The following BTD variants were observed in gnomAD, a reference collection of about 807,000 sequenced individuals.
BTD encodes the protein biocytinase.
Under a neutral mutation model 17.7 loss-of-function variants are expected in BTD, and 13 were observed. That is an observed-to-expected ratio of 0.74 (90% CI 0.48 to 1.17). The LOEUF is 1.17. BTD is among the 50% of genes most tolerant of loss of function. BTD has a pLI of 0.00. For missense variants in BTD, 674 were observed against 650.4 expected (o/e 1.04, Z -0.39); for synonymous variants, 240 against 245.2 (o/e 0.98, Z 0.20).
At chr3:15,614,598 C>CTT (rs869155456) in intron 1 of BTD, among the ~76,000 whole-genome samples, 18 of 125,246 alleles carry the variant, frequency 1.4e-4, no homozygotes, top group East Asian at 4.2e-4. Flanking sequence ...ATATCTTTTT[C>CTT]TTTTTTTTTT....
In BTD at chr3:15,645,354, C is replaced by T. The variant is rs150206202; in HGVS notation, c.1438C>T (p.Leu480=). 39 of 1,614,100 alleles carry T rather than the reference C, an allele frequency of 2.4e-5. No homozygotes were observed. The African/African-American group carries it at 3.6e-4, about 15-fold the overall frequency. Residue 480 remains leucine, a synonymous_variant, in exon 4 of 4, where the codon CTG becomes TTG. Transcript: ENST00000643237. ...TACTTCCTATATCTTTCCTTTGTTT[C>T]TGACCTCAGGGATGACCCTAGAAGT... ...FSTSYIFPLF[L]TSGMTLEVPD...
intron 4 of BTD, among the ~76,000 whole-genome samples, chr3:15,721,361 A>G (rs534769048): frequency 2.6e-5 from 4 of 152,334 alleles, no homozygotes; most frequent in South Asian, 2.1e-4. Context: ...CACATACACA[A>G]TGTCTACTTC....
intron 3 of BTD, chr3:15,695,140 G>C (rs573027270): frequency 6.9e-7 from 1 of 1,453,900 alleles, no homozygotes; most frequent in Admixed American, 1.8e-5. Context: ...ACTGGTAGGA[G>C]GGAACTGACC....
intron 1 of BTD, among the ~76,000 whole-genome samples, chr3:15,626,791 A>AAAAG (rs1315922017): frequency 6.9e-6 from 1 of 145,976 alleles, no homozygotes; most frequent in South Asian, 2.1e-4. Context: ...AAAAAAAAAA[A>AAAAG]AAAAGAAAAG....
rs1483587059 is a variant in BTD, at chr3:15,645,171, GC to G, written c.1258del (p.Leu420TrpfsTer61). 1 of 1,614,180 alleles carries G rather than the reference GC, an allele frequency of 6.2e-7. No homozygotes were observed. On this transcript the variant is annotated frameshift_variant, in exon 4 of 4. Coordinates refer to ENST00000643237, the MANE Select transcript of BTD (RefSeq NM_001370658.1). LOFTEE classifies it high-confidence loss of function. The stretch of plus-strand genomic sequence containing the variant: ...GCCCACCTTATCCAAAGAGCTGTAT[GC>G]CCTGGGGGTCTTTGATGGGCTTCAC... The part of the protein sequence containing the change: ...ERPTLSKELY[A>X]LGVFDGLHTV...
rs181151942 is a variant in BTD, at chr3:15,635,249, C to T, written c.-16-175C>T. ...GAGCCATTTTAAATGTGGCTTGCTA[C>T]GTGTTTGGAGAGAAACACATACTCT... On this transcript the variant is annotated intron_variant, in intron 1 of 3. Coordinates refer to ENST00000643237, the MANE Select transcript of BTD (RefSeq NM_001370658.1). This position sits in a 1 kb window ranked among gnomAD's most constrained non-coding sequence, Gnocchi z 4.1. Among the ~76,000 whole-genome samples the T allele has an allele frequency of 1.1e-4, 17 of 152,294 alleles. No individual in the cohort carries two copies. The East Asian group carries it at 3.1e-3, about 28-fold the overall frequency.
intron 2 of BTD, among the ~76,000 whole-genome samples, chr3:15,636,657 C>T (rs932333595): frequency 2.0e-5 from 3 of 152,150 alleles, no homozygotes; most frequent in African/African-American, 7.2e-5. Context: ...GCAGGTCCTG[C>T]CCCAAACAGT....
At chr3:15,612,217 A>G (rs372588773) in intron 1 of BTD, among the ~76,000 whole-genome samples, 6 of 152,190 alleles carry the variant, frequency 3.9e-5, no homozygotes, top group Non-Finnish European at 8.8e-5. Flanking sequence ...TTTACATTCA[A>G]GGCTCTTGCC....
intron 3 of BTD, among the ~76,000 whole-genome samples, chr3:15,689,308 C>G (rs1306553281): frequency 6.6e-6 from 1 of 152,200 alleles, no homozygotes; most frequent in Non-Finnish European, 1.5e-5. Flanking sequence ...CCTACCTAAG[C>G]TTTGACGGTA....
At chr3:15,625,114 T>C (rs1233575702) in intron 1 of BTD, among the ~76,000 whole-genome samples, 1 of 152,210 alleles carries the variant, frequency 6.6e-6, no homozygotes, top group African/African-American at 2.4e-5. Context: ...TTGGACTCGA[T>C]GTACTAAGTA....
intron 1 of BTD, among the ~76,000 whole-genome samples, chr3:15,614,125 CTTT>C (rs869148702): frequency 3.2e-5 from 4 of 125,334 alleles, no homozygotes; most frequent in Non-Finnish European, 4.8e-5. Context: ...TTCTTTCTTT[CTTT>C]TTTTTTTTTT....
chr3:15,673,836 G>C (rs1279463296), intron 3 of BTD, among the ~76,000 whole-genome samples: 1 of 151,972 alleles, frequency 6.6e-6, no homozygotes, highest in Non-Finnish European at 1.5e-5. Flanking sequence ...GAGAAGAGTA[G>C]GAAATAATAT....
chr3:15,618,887 G>A (rs74498460), intron 1 of BTD, among the ~76,000 whole-genome samples: 7,655 of 152,234 alleles, frequency 0.05, 248 homozygotes, highest in Non-Finnish European at 0.071. Flanking sequence ...GAAATAAATT[G>A]ATGTTTGCAT....
intron 1 of BTD, among the ~76,000 whole-genome samples, chr3:15,603,875 A>G (rs979605282): frequency 1.3e-5 from 2 of 152,172 alleles, no homozygotes; most frequent in Admixed American, 6.5e-5. Flanking sequence ...TTGACTTCGT[A>G]TCTCACAGCC....
At chr3:15,683,302 T>C (rs1006622410) in intron 3 of BTD, among the ~76,000 whole-genome samples, 12 of 152,228 alleles carry the variant, frequency 7.9e-5, no homozygotes, top group Non-Finnish European at 1.2e-4. Flanking sequence ...CTATATTAGA[T>C]ATTTTGGGTT....
intron 3 of BTD, among the ~76,000 whole-genome samples, chr3:15,663,924 A>G (rs2065951199): frequency 6.6e-6 from 1 of 152,052 alleles, no homozygotes; most frequent in Non-Finnish European, 1.5e-5. Flanking sequence ...CTTTTGAGAC[A>G]GAGTTTCACT....
At chr3:15,655,050 G>T (rs2065858548), downstream of BTD, among the ~76,000 whole-genome samples, 1 of 152,134 alleles carries the variant, frequency 6.6e-6, no homozygotes. Flanking sequence ...GTTTTTAAAA[G>T]ACATCAGACA....
downstream of BTD, among the ~76,000 whole-genome samples, chr3:15,657,930 G>C (rs776809610): frequency 2.6e-5 from 4 of 152,186 alleles, no homozygotes; most frequent in Non-Finnish European, 5.9e-5. Context: ...CACTTTGGGA[G>C]GCCGAGGTGG....
intron 3 of BTD, chr3:15,667,785 C>T (rs190429199): frequency 2.0e-5 from 3 of 152,240 alleles, no homozygotes; most frequent in East Asian, 3.9e-4. Context: ...GCAAGAACTA[C>T]CTTAATGTTT....
Sources: allele counts gnomAD v4.1 joint callset (sites outside exome capture counted in the v4.1 genomes callset), GRCh38; gene constraint gnomAD v4.1.1; non-coding constraint Gnocchi (gnomAD v3.1); transcripts MANE v1.5; gene names NCBI Gene and HGNC (gene_info 2026-07-23, HGNC 2026-07-21).